The following AKAP17A variants were observed in gnomAD, a reference collection of about 807,000 sequenced individuals.
AKAP17A encodes A-kinase anchor protein 17A.
In AKAP17A, 15 loss-of-function variants were observed where a neutral mutation model predicts 52.2. The observed-to-expected ratio is 0.29, with a 90% CI of 0.19 to 0.44. AKAP17A has a LOEUF of 0.44. Ranked by LOEUF, AKAP17A falls within the 20% of genes least tolerant of loss-of-function variation. The pLI, the probability that AKAP17A is intolerant of heterozygous loss-of-function variation, is 1.00. For missense variants in AKAP17A, 1,060 were observed against 1,007.0 expected (o/e 1.05, Z -0.71); for synonymous variants, 514 against 424.7 (o/e 1.21, Z -2.58).
Position 1,601,256 on chromosome X carries a change from A to G in AKAP17A, c.1750A>G (p.Ser584Gly). The change falls in exon 5 of 5, where the codon AGC becomes GGC. Residue 584 changes from serine to glycine, a missense_variant. Ser to Gly is a moderately conservative substitution (Grantham distance 56, BLOSUM62 0). Around this residue, in one of 2 missense-constraint regions of AKAP17A, gnomAD observed 793 missense variants for 629.9 expected, o/e 1.26. Transcript: ENST00000313871. ...SEQDKCNREP[S>G]KGRGRATGDG... The stretch of plus-strand genomic sequence containing the variant: ...ACAGGACAAGTGCAACCGGGAGCCC[A>G]GCAAGGGCCGGGGCCGGGCCACCGG... The G allele has an allele frequency of 6.2e-7, 1 of 1,613,552 alleles. No homozygotes were observed. Among genetic ancestry groups the G allele is most frequent in the South Asian group, 1.1e-5 (1 of 91,074 alleles).
In AKAP17A at chrX:1,601,928, C is replaced by G. The variant is rs1128551; in HGVS notation, c.*334C>G. 3 of 291,934 alleles carry G rather than the reference C, an allele frequency of 1.0e-5. No homozygotes were observed. Among genetic ancestry groups the G allele is most frequent in the South Asian group, 1.6e-4 (1 of 6,210 alleles). The allele number at this position is 291,934 out of a possible 1,614,324, so 18.1% of individuals were successfully genotyped here. A position where few individuals can be genotyped will look rare whatever the true frequency, so the allele number is the denominator to read the frequency against. The stretch of plus-strand genomic sequence containing the variant: ...GGCAGAGCTGCTGCATTCCCCCACA[C>G]GGGGATTTCTGTGTCTGCTTGGCGA... On this transcript the variant is annotated 3_prime_UTR_variant, in exon 5 of 5. Coordinates refer to ENST00000313871, the MANE Select transcript of AKAP17A (RefSeq NM_005088.3).
rs1472248106 is a variant in AKAP17A at position 1,600,152 on chromosome X, C to G, written c.1153-507C>G. The stretch of plus-strand genomic sequence containing the variant: ...TCTGATTACAGTTGTGATAAGTCCC[C>G]GGGAAGGAGCATGACAAGAGGCTGA... On this transcript the variant is annotated intron_variant, in intron 4 of 4. Transcript: ENST00000313871. 15 of 1,303,008 alleles carry G rather than the reference C, an allele frequency of 1.2e-5. No homozygotes were observed. In the Admixed American group the frequency reaches 3.4e-4, roughly 30 times the overall value. 80.7% of individuals were successfully genotyped at this position (1,303,008 alleles called of 1,614,324 possible).
At position 1,601,079 on chromosome X, in the gene AKAP17A, G is replaced by T. The variant is rs766941407; in HGVS notation, c.1573G>T (p.Val525Phe). Residue 525 changes from valine (V) to phenylalanine (F), a missense_variant, in exon 5 of 5, where the codon GTT becomes TTT. Coordinates refer to ENST00000313871, the MANE Select transcript of AKAP17A (RefSeq NM_005088.3). ...GGCCGAGGAGGCCCCATGCAAGGAG[G>T]TTCAGAGCTCCTGTCGTGTGGTCCC... is the stretch of plus-strand genomic sequence containing the variant. Reference protein sequence around the residue: ...SVAEEAPCKEVQSSCRVVPED... With the variant: ...SVAEEAPCKEFQSSCRVVPED... 13 of 1,613,554 alleles carry T rather than the reference G, an allele frequency of 8.1e-6. No individual in the cohort carries two copies. The highest frequency in any genetic ancestry group is 3.3e-5 in the South Asian group (3 of 91,078).
In AKAP17A at chrX:1,601,699, C is replaced by CCCTT; in HGVS notation, c.*107_*110dup. The CCCTT allele has an allele frequency of 1.7e-6, 2 of 1,143,534 alleles. No individual in the cohort carries two copies. Among genetic ancestry groups the CCCTT allele is most frequent in the Non-Finnish European group, 2.3e-6 (2 of 876,036 alleles). 70.8% of individuals were successfully genotyped at this position (1,143,534 alleles called of 1,614,324 possible). ...TCCGTCCACCCCTGCAAAGCCAAGA[C>CCCTT]CCTTCTGCAGCCACGAATGTCCACG... is the stretch of plus-strand genomic sequence containing the variant. On this transcript the variant is annotated 3_prime_UTR_variant, in exon 5 of 5. Coordinates refer to ENST00000313871, the MANE Select transcript of AKAP17A (RefSeq NM_005088.3).
intron 1 of AKAP17A, among the ~76,000 whole-genome samples, chrX:1,592,794 A>G (rs1932861681): frequency 6.6e-6 from 1 of 152,118 alleles, no homozygotes; most frequent in Admixed American, 6.6e-5. Flanking sequence ...AGGTGGGCGG[A>G]GAAAGAAGGC....
chrX:1,600,512 G>GC (rs1933300823), intron 4 of AKAP17A, 147 bp from the exon 5 acceptor site: 10 of 839,734 alleles, frequency 1.2e-5, no homozygotes, highest in South Asian at 3.6e-5. Flanking sequence ...CGTAGGAGAC[G>GC]CCCCCCACCC....
At chrX:1,597,790 C>A (rs1367878036) in intron 3 of AKAP17A, among the ~76,000 whole-genome samples, 1 of 152,022 alleles carries the variant, frequency 6.6e-6, no homozygotes, top group African/African-American at 2.4e-5. Flanking sequence ...GGAAGGGACC[C>A]CGTCTGCCTG....
At chrX:1,592,386 C>T (rs1483541710) in intron 1 of AKAP17A, among the ~76,000 whole-genome samples, 4 of 151,522 alleles carry the variant, frequency 2.6e-5, no homozygotes, top group African/African-American at 9.7e-5. Flanking sequence ...ATGCCGCGTA[C>T]TGGGGATTGG....
rs1229154674 is a variant in AKAP17A at position 1,601,801 on chromosome X, T to A, written c.*207T>A. 1.1e-5 allele frequency: 5 copies of A among 437,580 alleles called. No individual in the cohort carries two copies. The highest frequency in any genetic ancestry group is 1.0e-4 in the African/African-American group (5 of 49,054). 27.1% of individuals were successfully genotyped at this position (437,580 alleles called of 1,614,324 possible). A position where few individuals can be genotyped will look rare whatever the true frequency, so the allele number is the denominator to read the frequency against. ...CACTCACCGCAGCGTACTTGGCACTTCAGTTTCAAACACGTAGTCCTTTAA... is the reference window on the plus strand; with the variant it reads ...CACTCACCGCAGCGTACTTGGCACTACAGTTTCAAACACGTAGTCCTTTAA... On this transcript the variant is annotated 3_prime_UTR_variant, in exon 5 of 5. Coordinates refer to ENST00000313871, the MANE Select transcript of AKAP17A (RefSeq NM_005088.3).
chrX:1,600,069 T>C, intron 4 of AKAP17A: 1 of 979,318 alleles, frequency 1.0e-6, no homozygotes. Flanking sequence ...ACGCTCCTTG[T>C]CCTCAGGAGG....
rs1378031806 is a variant in AKAP17A at position 1,593,694 on chromosome X, C to T, written c.232C>T (p.Arg78Cys). 25 of 1,613,808 alleles carry T rather than the reference C, an allele frequency of 1.5e-5. No individual in the cohort carries two copies. The highest frequency in any genetic ancestry group is 1.9e-5 in the Non-Finnish European group (23 of 1,179,868). ...RISKSTMDFI[R>C]FEGEVENKSL... The stretch of plus-strand genomic sequence containing the variant: ...TTCCAAGAGCACCATGGACTTCATC[C>T]GCTTCGAGGGGGAGGTGGAGAACAA... Residue 78 changes from arginine (R) to cysteine (C), a missense_variant, in exon 2 of 5, where the codon CGC becomes TGC. By Grantham distance (180) the Arg-to-Cys change is radical. Around this residue, in one of 2 missense-constraint regions of AKAP17A, gnomAD observed 267 missense variants for 377.1 expected, o/e 0.71. Coordinates refer to ENST00000313871, the MANE Select transcript of AKAP17A (RefSeq NM_005088.3).
intron 3 of AKAP17A, among the ~76,000 whole-genome samples, chrX:1,596,366 T>C (rs1444759073): frequency 2.6e-5 from 4 of 152,068 alleles, no homozygotes; most frequent in Non-Finnish European, 4.4e-5. Context: ...GTAGCCCCTT[T>C]TATCTTCTTA....
chrX:1,599,131 A>G (rs1375745276), intron 3 of AKAP17A, 61 bp from the exon 4 acceptor site: 5 of 1,581,218 alleles, frequency 3.2e-6, no homozygotes, highest in Admixed American at 3.7e-5. Context: ...AGCCGCTTGT[A>G]TGGTGTGTGG....
chrX:1,595,187 T>A (rs780909040), intron 2 of AKAP17A, among the ~76,000 whole-genome samples, 197 bp from the exon 3 acceptor site: 4 of 152,252 alleles, frequency 2.6e-5, no homozygotes, highest in South Asian at 2.1e-4. Flanking sequence ...GAGCCACTGA[T>A]GGTGACTTGA....
At chrX:1,597,289 C>T (rs1469646280) in intron 3 of AKAP17A, among the ~76,000 whole-genome samples, 1 of 152,156 alleles carries the variant, frequency 6.6e-6, no homozygotes. Context: ...ACCCCGAGGG[C>T]TCCTTAGGTG....
At chrX:1,599,591 G>C in intron 4 of AKAP17A, 159 bp downstream of exon 4, 1 of 1,027,808 alleles carries the variant, frequency 9.7e-7, no homozygotes, top group South Asian at 1.4e-5. Flanking sequence ...CTTCCCGGGA[G>C]GGTGTAGCGC....
intron 4 of AKAP17A, chrX:1,600,240 C>G (rs1303257395): frequency 2.6e-5 from 34 of 1,291,842 alleles, no homozygotes; most frequent in Non-Finnish European, 3.4e-5. Flanking sequence ...CAGGCTAGGC[C>G]AGGCTCGCCC....
At position 1,599,363 on chromosome X, in the gene AKAP17A, C is replaced by T. The variant is rs769473056; in HGVS notation, c.1083C>T (p.Arg361=). The T allele has an allele frequency of 2.8e-5, 45 of 1,589,194 alleles. No individual in the cohort carries two copies. The highest frequency in any genetic ancestry group is 3.8e-5 in the Non-Finnish European group (44 of 1,168,974). ...QLQEKIKLEE[R]KLLLAQRNLQ... is the part of the protein sequence containing the mutation. ...AGGAGAAGATCAAGCTGGAGGAGCG[C>T]AAGCTGCTGCTGGCCCAGAGGAACC... The change falls in exon 4 of 5, where the codon CGC becomes CGT. Residue 361 remains arginine, a synonymous_variant. Transcript: ENST00000313871.
At chrX:1,592,952 T>C (rs1268690650) in intron 1 of AKAP17A, among the ~76,000 whole-genome samples, 3 of 152,158 alleles carry the variant, frequency 2.0e-5, no homozygotes, top group Non-Finnish European at 2.9e-5. Context: ...GACTTCCTGT[T>C]TTATCAGGGC....
Sources: gnomAD v4.1 joint callset for allele counts (sites outside exome capture counted in the v4.1 genomes callset) on GRCh38, gnomAD v4.1.1 for gene constraint, gnomAD v4.1.1 regional missense constraint, MANE v1.5 for transcripts, NCBI Gene and HGNC (gene_info 2026-07-23, HGNC 2026-07-21) for gene names.